Variants in FAM228B observed in about 807,000 individuals in gnomAD.
The protein encoded by FAM228B is protein FAM228B.
A neutral mutation model predicts 42.6 loss-of-function variants in FAM228B; 38 were observed. The observed-to-expected ratio is 0.89, with a 90% CI of 0.69 to 1.17. The LOEUF (loss-of-function observed/expected upper bound fraction) is 1.17, where lower values mean the gene tolerates loss of function less well. Ranked by LOEUF, FAM228B falls within the 50% of genes most tolerant of loss-of-function variation. The pLI is 0.00. For missense variants in FAM228B, 344 were observed against 367.3 expected (o/e 0.94, Z 0.52); for synonymous variants, 109 against 122.3 (o/e 0.89, Z 0.72).
intron 7 of FAM228B, among the ~76,000 whole-genome samples, chr2:24,155,391 C>A (rs1467130127): frequency 6.6e-6 from 1 of 150,930 alleles, no homozygotes; most frequent in African/African-American, 2.4e-5. Flanking sequence ...ACTTCTCTAG[C>A]CTTATGGGGG....
At chr2:24,109,851 C>G (rs1051417699) in intron 3 of FAM228B, among the ~76,000 whole-genome samples, 1 of 152,170 alleles carries the variant, frequency 6.6e-6, no homozygotes, top group African/African-American at 2.4e-5. Context: ...TAAATTAGTT[C>G]AGCCATTGTA....
At chr2:24,150,173 G>A (rs2151025026) in intron 7 of FAM228B, among the ~76,000 whole-genome samples, 1 of 152,206 alleles carries the variant, frequency 6.6e-6, no homozygotes, top group East Asian at 1.9e-4. Context: ...GCTTTTCTCT[G>A]TGCTTACTAT....
chr2:24,101,896 A>G (rs1308376471), intron 3 of FAM228B, among the ~76,000 whole-genome samples: 1 of 151,986 alleles, frequency 6.6e-6, no homozygotes, highest in African/African-American at 2.4e-5. Context: ...GTTAGCCAGG[A>G]TGGTCTCTAT....
At chr2:24,078,819 A>G (rs1664870518) in intron 1 of FAM228B, 1 of 152,518 alleles carries the variant, frequency 6.6e-6, no homozygotes, top group African/African-American at 2.4e-5. Context: ...CCTATGGTGG[A>G]AACATTCCCA....
At chr2:24,153,621 G>T (rs138297484) in intron 7 of FAM228B, among the ~76,000 whole-genome samples, 1 of 152,188 alleles carries the variant, frequency 6.6e-6, no homozygotes, top group Non-Finnish European at 1.5e-5. Context: ...CAGAAGGAAG[G>T]TGTCACCTTT....
intron 2 of FAM228B, chr2:24,082,949 G>A: frequency 6.2e-7 from 1 of 1,613,938 alleles, no homozygotes. Context: ...CCTGGGTCAG[G>A]GTCAATCCCT....
intron 2 of FAM228B, among the ~76,000 whole-genome samples, chr2:24,083,717 A>C (rs36052574): frequency 0.14 from 21,769 of 152,190 alleles, 1,926 homozygotes; most frequent in South Asian, 0.21. Flanking sequence ...AATTCTTAAG[A>C]GTACTGCCCG....
chr2:24,104,023 G>A (rs2150997049), intron 3 of FAM228B, among the ~76,000 whole-genome samples: 1 of 152,298 alleles, frequency 6.6e-6, no homozygotes, highest in South Asian at 2.1e-4. Context: ...AGAAACAAAA[G>A]GACTAGCAAA....
chr2:24,164,590 GA>G (rs1667359187), intron 9 of FAM228B, among the ~76,000 whole-genome samples: 1 of 150,800 alleles, frequency 6.6e-6, no homozygotes, highest in Admixed American at 6.6e-5. Flanking sequence ...CCCCCTGGTG[GA>G]GCCACACGAT....
At chr2:24,167,060 C>T (rs1423252990) in intron 9 of FAM228B, among the ~76,000 whole-genome samples, 2 of 151,966 alleles carry the variant, frequency 1.3e-5, no homozygotes, top group African/African-American at 2.4e-5. Flanking sequence ...GGAAGCTGTG[C>T]GGAGGTCTGG....
In FAM228B at chr2:24,088,669, A is replaced by G. The variant is rs576356251; in HGVS notation, c.-209-6472A>G. On this transcript the variant is annotated intron_variant, in intron 2 of 10. Coordinates refer to the FAM228B transcript ENST00000613899. The stretch of plus-strand genomic sequence containing the variant: ...CCCGGCCTATAATATTCTTTATCAT[A>G]AACTAGTAAACGTAAGTGTTTCCCT... 1.2e-4 allele frequency among the ~76,000 whole-genome samples: 18 copies of G among 152,356 alleles called. No homozygotes were observed. The South Asian group carries it at 3.7e-3, about 32-fold the overall frequency.
intron 7 of FAM228B, among the ~76,000 whole-genome samples, chr2:24,155,525 ATATATATTTTTTTTT>A (rs1314606516): frequency 2.1e-4 from 10 of 48,306 alleles, no homozygotes; most frequent in African/African-American, 9.4e-4. Flanking sequence ...ATATATATAT[ATATATATTTTTTTTT>A]TTTTTTTTTT....
chr2:24,150,738 A>G lies in FAM228B; in HGVS notation c.686+3652A>G, dbSNP rs181032810. 7.2e-5 allele frequency among the ~76,000 whole-genome samples: 11 copies of G among 152,278 alleles called. No individual in the cohort carries two copies. The East Asian group carries it at 2.1e-3, about 29-fold the overall frequency. On this transcript the variant is annotated intron_variant, in intron 7 of 10. Coordinates refer to ENST00000615575, the MANE Select transcript of FAM228B (RefSeq NM_001145710.2). ...CCATGTCTGGCCATGTCAGCACTTT[A>G]AATATGTCATGCCACTCTCTCCTGG...
chr2:24,079,635 C>T lies in FAM228B; in HGVS notation c.-289-1241C>T, dbSNP rs1337365308. 4 of 1,613,512 alleles carry T rather than the reference C, an allele frequency of 2.5e-6. No homozygotes were observed. The African/African-American group carries it at 4.0e-5, about 16-fold the overall frequency. On this transcript the variant is annotated intron_variant, in intron 1 of 10. Transcript: ENST00000613899. ...ATGCAGTCTAGAATAAGATTAACTCCAGCACCTTCCATAGGAAACAGATTT... is the reference window on the plus strand; with the variant it reads ...ATGCAGTCTAGAATAAGATTAACTCTAGCACCTTCCATAGGAAACAGATTT...
intron 2 of FAM228B, among the ~76,000 whole-genome samples, chr2:24,125,259 T>C (rs1666280122): frequency 6.6e-6 from 1 of 152,044 alleles, no homozygotes; most frequent in South Asian, 2.1e-4. Context: ...AGCATACACC[T>C]ATAGTCCCAG....
intron 8 of FAM228B, among the ~76,000 whole-genome samples, chr2:24,163,108 A>G (rs1262216019): frequency 2.0e-5 from 3 of 152,256 alleles, no homozygotes; most frequent in African/African-American, 7.2e-5. Context: ...ATAATAAAAA[A>G]GGAACCTAGC....
chr2:24,104,505 C>T (rs1168139494), intron 3 of FAM228B, among the ~76,000 whole-genome samples: 1 of 152,216 alleles, frequency 6.6e-6, no homozygotes, highest in African/African-American at 2.4e-5. Flanking sequence ...TCAGCCTGAA[C>T]TCGGCCAGCC....
Position 24,084,104 on chromosome 2 carries a change from T to A in FAM228B, c.-210+3149T>A. 1 of 1,505,634 alleles carries A rather than the reference T, an allele frequency of 6.6e-7. No homozygotes were observed. The highest frequency in any genetic ancestry group is 8.8e-7 in the Non-Finnish European group (1 of 1,130,442). The allele number at this position is 1,505,634 out of a possible 1,614,324, so 93.3% of individuals were successfully genotyped here. On this transcript the variant is annotated intron_variant, in intron 2 of 10. Coordinates refer to the FAM228B transcript ENST00000613899. The surrounding 1 kb of genome is among the most constrained non-coding windows in gnomAD (Gnocchi z 8.4). ...GCTGGGTGTGGAGCGGTGCACGCCT[T>A]CACGTCTGGTCAATGTCCACTGAGT...
At chr2:24,121,179 GAAT>G (rs1666103699), upstream of FAM228B, 12 of 1,614,094 alleles carry the variant, frequency 7.4e-6, no homozygotes, top group East Asian at 2.7e-4. Flanking sequence ...GGCATAAAGA[GAAT>G]ATTCATCTGC....
Sources: allele counts gnomAD v4.1 joint callset (sites outside exome capture counted in the v4.1 genomes callset), GRCh38; gene constraint gnomAD v4.1.1; non-coding constraint Gnocchi (gnomAD v3.1); transcripts MANE v1.5; gene names NCBI Gene and HGNC (gene_info 2026-07-23, HGNC 2026-07-21).